SPEF2: variants seen among roughly 807,000 people sequenced by gnomAD.
SPEF2 encodes sperm flagellar and cilia associated 2.
A neutral mutation model predicts 224.6 loss-of-function variants in SPEF2; 187 were observed. That is an observed-to-expected ratio of 0.83 (90% CI 0.74 to 0.94). The LOEUF (loss-of-function observed/expected upper bound fraction) is 0.94. Ranked by LOEUF, SPEF2 falls within the 40% of genes least tolerant of loss-of-function variation. SPEF2 has a pLI of 0.00. For synonymous variants in SPEF2, 715 were observed against 707.3 expected, an observed-to-expected ratio of 1.01 and a Z score of -0.17; for missense variants, 2,170 against 2,135.6, an observed-to-expected ratio of 1.02 and a Z score of -0.32.
chr5:35,796,384 G>C (rs372379492), intron 33 of SPEF2, among the ~76,000 whole-genome samples: 20 of 152,234 alleles, frequency 1.3e-4, no homozygotes, highest in African/African-American at 4.8e-4. Context: ...GAGGCAGGCT[G>C]ATCACAAGGT....
chr5:35,763,606 G>GGAT lies in SPEF2; in HGVS notation c.3706_3708dup (p.Asp1236dup). The GGAT allele has an allele frequency of 6.2e-7, 1 of 1,613,910 alleles. No homozygotes were observed. The highest frequency in any genetic ancestry group is 1.3e-5 in the African/African-American group (1 of 75,028). On this transcript the variant is annotated inframe_insertion, in exon 26 of 37. Transcript: ENST00000356031. Reference sequence around the variant, plus strand: ...CAAAATCAGTACTGAAGGGCAAGATGGATAACTCCCTAGAAAACGTTGAGT... The same window carrying GGAT: ...CAAAATCAGTACTGAAGGGCAAGATGGATGATAACTCCCTAGAAAACGTTGAGT...
At chr5:35,733,961 T>G (rs1686945921) in intron 21 of SPEF2, among the ~76,000 whole-genome samples, 1 of 152,114 alleles carries the variant, frequency 6.6e-6, no homozygotes, top group South Asian at 2.1e-4. Context: ...CTTTAATGAG[T>G]TAGTCCACAT....
Position 35,793,310 on chromosome 5 carries a change from TG to T in SPEF2, c.4709del (p.Gly1570AlafsTer21). 6.2e-7 allele frequency: 1 copy of T among 1,614,004 alleles called. No individual in the cohort carries two copies. Among genetic ancestry groups the T allele is most frequent in the Non-Finnish European group, 8.5e-7 (1 of 1,179,972 alleles). On this transcript the variant is annotated frameshift_variant, in exon 32 of 37. Transcript: ENST00000356031. LOFTEE classifies it high-confidence loss of function. ...QKFKAVDKEQ[L>X]GTITFEQYMQ... is the part of the protein sequence containing the mutation. Reference sequence around the variant, plus strand: ...TTCAAGGCTGTGGATAAGGAGCAGTTGGGCACCATCACTTTTGAGCAGTATA... The same window carrying T: ...TTCAAGGCTGTGGATAAGGAGCAGTTGGCACCATCACTTTTGAGCAGTATA...
At chr5:35,768,908 A>T (rs1273957677) in intron 26 of SPEF2, among the ~76,000 whole-genome samples, 1 of 152,162 alleles carries the variant, frequency 6.6e-6, no homozygotes, top group Non-Finnish European at 1.5e-5. Flanking sequence ...TTTTACCAGG[A>T]GCTATCCATT....
At chr5:35,699,435 G>A (rs1738098885) in intron 15 of SPEF2, 1 of 152,178 alleles carries the variant, frequency 6.6e-6, no homozygotes, top group Non-Finnish European at 1.5e-5. Context: ...TGTGCTGAGT[G>A]CAAAAACCCA....
At chr5:35,756,196 C>T (rs1016751254) in intron 24 of SPEF2, among the ~76,000 whole-genome samples, 2 of 152,116 alleles carry the variant, frequency 1.3e-5, no homozygotes, top group African/African-American at 2.4e-5. Flanking sequence ...CCAGTGTATC[C>T]ACCCTGTAGA....
chr5:35,642,189 A>C (rs1052657108), intron 3 of SPEF2, among the ~76,000 whole-genome samples: 1 of 152,188 alleles, frequency 6.6e-6, no homozygotes, highest in Admixed American at 6.5e-5. Context: ...ATCTTCCCTA[A>C]ATTTTACTTT....
intron 3 of SPEF2, among the ~76,000 whole-genome samples, chr5:35,644,058 A>T (rs1411697082): frequency 6.6e-6 from 1 of 152,170 alleles, no homozygotes; most frequent in Non-Finnish European, 1.5e-5. Context: ...AATAAATAAA[A>T]TTTATTTCCA....
At chr5:35,792,827 G>A (rs1457109038) in intron 31 of SPEF2, among the ~76,000 whole-genome samples, 2 of 152,174 alleles carry the variant, frequency 1.3e-5, no homozygotes, top group Non-Finnish European at 2.9e-5. Flanking sequence ...ATTCCCCCAT[G>A]GGCCACAAAG....
intron 26 of SPEF2, 61 bp from the exon 27 acceptor site, chr5:35,771,548 C>T (rs1290887069): frequency 6.4e-7 from 1 of 1,562,652 alleles, no homozygotes; most frequent in East Asian, 2.2e-5. Flanking sequence ...TGACTACATC[C>T]AAATGGTTGC....
At chr5:35,647,449 A>G (rs970515706) in intron 5 of SPEF2, among the ~76,000 whole-genome samples, 1 of 151,980 alleles carries the variant, frequency 6.6e-6, no homozygotes, top group Non-Finnish European at 1.5e-5. Flanking sequence ...ATGAGGGAAA[A>G]AGAGAGTGAG....
chr5:35,645,545 G>A (rs1418342972), intron 4 of SPEF2, among the ~76,000 whole-genome samples: 1 of 152,168 alleles, frequency 6.6e-6, no homozygotes, highest in Non-Finnish European at 1.5e-5. Context: ...TGACTTGCCA[G>A]AGGGTAAATA....
chr5:35,669,147 T>C (rs1750900433), intron 9 of SPEF2, among the ~76,000 whole-genome samples: 1 of 152,148 alleles, frequency 6.6e-6, no homozygotes, highest in African/African-American at 2.4e-5. Flanking sequence ...CTAGGTACCT[T>C]ATATAAGTGG....
intron 2 of SPEF2, among the ~76,000 whole-genome samples, chr5:35,638,359 C>T (rs1470271367): frequency 1.3e-5 from 2 of 151,976 alleles, no homozygotes; most frequent in Admixed American, 1.3e-4. Flanking sequence ...AGGTGCTTCT[C>T]GGTGTGACCC....
intron 25 of SPEF2, among the ~76,000 whole-genome samples, chr5:35,761,634 T>C (rs1312834875): frequency 6.6e-6 from 1 of 151,854 alleles, no homozygotes; most frequent in Non-Finnish European, 1.5e-5. Context: ...TTGACACAAA[T>C]AGAAGGAAAA....
Position 35,617,973 on chromosome 5 carries a change from T to A in SPEF2, c.-25T>A, listed in dbSNP as rs1268736684. ...CCTGGCGAGTTTCTAAGCCCCCGCC[T>A]GCGGTCTGAGGCACCGGCTGAACCA... On this transcript the variant is annotated 5_prime_UTR_variant, in exon 1 of 37. Coordinates refer to ENST00000356031, the MANE Select transcript of SPEF2 (RefSeq NM_024867.4). 1 of 1,566,198 alleles carries A rather than the reference T, an allele frequency of 6.4e-7. No homozygotes were observed. Among genetic ancestry groups the A allele is most frequent in the Non-Finnish European group, 8.7e-7 (1 of 1,153,292 alleles).
rs575339476 is a variant in SPEF2 at position 35,777,887 on chromosome 5, C to A, written c.4218-1230C>A. Among the ~76,000 whole-genome samples the A allele has an allele frequency of 4.6e-5, 7 of 152,130 alleles. No homozygotes were observed. The South Asian group carries it at 1.5e-3, about 32-fold the overall frequency. ...AGTCATGTTTTACAGAGTATCGTGC[C>A]GGGCTATGGTTGGGTCTCAATCCAC... On this transcript the variant is annotated intron_variant, in intron 29 of 36. Transcript: ENST00000356031.
chr5:35,722,142 T>TA (rs2149636422), intron 20 of SPEF2, among the ~76,000 whole-genome samples: 1 of 152,186 alleles, frequency 6.6e-6, no homozygotes, highest in African/African-American at 2.4e-5. Context: ...CTCTTACTCT[T>TA]ATGCAAGTTG....
chr5:35,670,035 C>A (rs191378568), intron 9 of SPEF2, 24 bp from the exon 10 acceptor site: 3 of 1,563,552 alleles, frequency 1.9e-6, no homozygotes, highest in Non-Finnish European at 2.6e-6. Flanking sequence ...ATTGATTCAT[C>A]TCTACCTTTT....
Sources: gnomAD v4.1 joint callset for allele counts (sites outside exome capture counted in the v4.1 genomes callset) on GRCh38, gnomAD v4.1.1 for gene constraint, MANE v1.5 for transcripts, NCBI Gene and HGNC (gene_info 2026-07-23, HGNC 2026-07-21) for gene names.